Variants in TMEM245 observed in about 807,000 individuals in gnomAD.
TMEM245 encodes the protein transmembrane protein 245.
TMEM245 carries 69 observed loss-of-function variants against 101.2 expected under a neutral mutation model. The ratio of observed to expected loss-of-function variants is 0.68; its 90% CI spans 0.56 to 0.83. The LOEUF is 0.83. Among genes scored for constraint, TMEM245 ranks in the 40% least tolerant of loss-of-function variants. The pLI, the probability that TMEM245 is intolerant of heterozygous loss-of-function variation, is 0.00. For missense variants in TMEM245, 1,075 were observed against 1,092.8 expected, an observed-to-expected ratio of 0.98 and a Z score of 0.23; for synonymous variants, 537 against 449.8, an observed-to-expected ratio of 1.19 and a Z score of -2.45.
At chr9:109,070,485 T>A (rs1243186969) in intron 9 of TMEM245, among the ~76,000 whole-genome samples, 2 of 152,198 alleles carry the variant, frequency 1.3e-5, no homozygotes, top group Non-Finnish European at 2.9e-5. Context: ...ACCTTATAAA[T>A]CTGTCCCTCC....
intron 16 of TMEM245, 60 bp downstream of exon 16, chr9:109,036,146 A>G: frequency 3.5e-6 from 5 of 1,430,316 alleles, no homozygotes; most frequent in Non-Finnish European, 4.6e-6. Flanking sequence ...CCTCCTTTAA[A>G]AAAAAAAAAA....
In TMEM245 at chr9:109,108,532, T is replaced by C. The variant is rs200172301; in HGVS notation, c.618A>G (p.Ser206=). The C allele has an allele frequency of 6.2e-7, 1 of 1,611,032 alleles. No homozygotes were observed. The highest frequency in any genetic ancestry group is 8.5e-7 in the Non-Finnish European group (1 of 1,178,958). Residue 206 remains serine, a synonymous_variant, in exon 2 of 18, where the codon TCA becomes TCG. Transcript: ENST00000374586. ...TLVVGYVLTV[S]FKWNASTERY... ...GTTCAGTGCTTGCATTCCACTTGAATGAAACAGTCAACACATAGCCAACCA... is the reference window on the plus strand; with the variant it reads ...GTTCAGTGCTTGCATTCCACTTGAACGAAACAGTCAACACATAGCCAACCA...
chr9:109,091,266 TG>T, intron 4 of TMEM245, 111 bp from the exon 5 acceptor site: 1 of 919,936 alleles, frequency 1.1e-6, no homozygotes, highest in Non-Finnish European at 1.6e-6. Flanking sequence ...TGTGCTGATA[TG>T]GTATGATTAC....
chr9:109,033,165 TA>T, intron 17 of TMEM245, 141 bp downstream of exon 17: 1 of 922,134 alleles, frequency 1.1e-6, no homozygotes. Context: ...TGTATTTACT[TA>T]GTGTCTTCTG....
intron 12 of TMEM245, among the ~76,000 whole-genome samples, chr9:109,055,018 T>C (rs750185294): frequency 5.9e-5 from 9 of 152,220 alleles, no homozygotes; most frequent in Non-Finnish European, 1.2e-4. Context: ...TACTTTTCTT[T>C]TTGAGGGATT....
intron 5 of TMEM245, among the ~76,000 whole-genome samples, chr9:109,090,057 C>A (rs1415142346): frequency 1.3e-5 from 2 of 151,616 alleles, no homozygotes; most frequent in Non-Finnish European, 2.9e-5. Flanking sequence ...GGTAAGGATT[C>A]GAGACCAGCC....
chr9:109,076,154 T>C (rs1228080522), intron 8 of TMEM245, among the ~76,000 whole-genome samples: 1 of 152,142 alleles, frequency 6.6e-6, no homozygotes, highest in Non-Finnish European at 1.5e-5. Flanking sequence ...AATGATAGAC[T>C]GGATTAAGAA....
chr9:109,103,478 C>T (rs1830329715), intron 3 of TMEM245, among the ~76,000 whole-genome samples: 1 of 152,066 alleles, frequency 6.6e-6, no homozygotes, highest in Admixed American at 6.5e-5. Context: ...TGGAAGAAAC[C>T]TAAATGTCCA....
At chr9:109,076,203 T>TA (rs1208781655) in intron 8 of TMEM245, among the ~76,000 whole-genome samples, 1 of 151,754 alleles carries the variant, frequency 6.6e-6, no homozygotes, top group South Asian at 2.1e-4. Context: ...TATGCAGCCA[T>TA]AAAAAAATGA....
At chr9:109,094,527 C>A (rs1177444354) in intron 3 of TMEM245, among the ~76,000 whole-genome samples, 1 of 152,206 alleles carries the variant, frequency 6.6e-6, no homozygotes, top group African/African-American at 2.4e-5. Context: ...AGCAGAAGTT[C>A]TGATGTCTGA....
At chr9:109,106,704 TATATATA>T in intron 2 of TMEM245, 95 bp from the exon 3 acceptor site, 1 of 799,576 alleles carries the variant, frequency 1.3e-6, no homozygotes, top group Non-Finnish European at 1.9e-6. Context: ...AACAATCTGG[TATATATA>T]TTAGTTACAG....
In TMEM245 at chr9:109,050,454, TA is replaced by T. The variant is rs751489477; in HGVS notation, c.1978-27del. The T allele has an allele frequency of 3.1e-6, 5 of 1,612,174 alleles. No homozygotes were observed. The African/African-American group carries it at 6.7e-5, about 22-fold the overall frequency. ...CTGCAAAACAAAGGACAACATCTCCTAAAAAAATCGTATTTGGAAACTATAG... is the reference window on the plus strand; with the variant it reads ...CTGCAAAACAAAGGACAACATCTCCTAAAAAATCGTATTTGGAAACTATAG... On this transcript the variant is annotated intron_variant, in intron 13 of 17. Transcript: ENST00000374586.
At chr9:109,117,175 T>C (rs1830746283) in intron 1 of TMEM245, among the ~76,000 whole-genome samples, 1 of 152,018 alleles carries the variant, frequency 6.6e-6, no homozygotes, top group African/African-American at 2.4e-5. Flanking sequence ...AGTGGTGCAA[T>C]CTTGGCTCAC....
intron 1 of TMEM245, among the ~76,000 whole-genome samples, chr9:109,118,146 C>T (rs1291815466): frequency 6.6e-6 from 1 of 152,122 alleles, no homozygotes; most frequent in Non-Finnish European, 1.5e-5. Context: ...TATCTTAGTC[C>T]TTTTTTAAAC....
chr9:109,075,351 TTGGTATC>T (rs1353012926), intron 8 of TMEM245, among the ~76,000 whole-genome samples: 4 of 152,186 alleles, frequency 2.6e-5, no homozygotes, highest in Admixed American at 2.6e-4. Context: ...GCCTTTGACT[TTGGTATC>T]TGGGCAATAC....
chr9:109,031,542 T>G (rs1164512616), intron 17 of TMEM245, among the ~76,000 whole-genome samples: 1 of 152,200 alleles, frequency 6.6e-6, no homozygotes, highest in Admixed American at 6.5e-5. Flanking sequence ...ATTTCTTTTA[T>G]ATGAAGTTCA....
At chr9:109,105,702 C>T (rs958444284) in intron 3 of TMEM245, among the ~76,000 whole-genome samples, 1 of 151,954 alleles carries the variant, frequency 6.6e-6, no homozygotes, top group Non-Finnish European at 1.5e-5. Context: ...TACAGGGTTT[C>T]TTTCTGAGGT....
At chr9:109,026,695 T>C (rs10979659) in intron 17 of TMEM245, among the ~76,000 whole-genome samples, 74,811 of 149,706 alleles carry the variant, frequency 0.5, 18,960 homozygotes, top group Admixed American at 0.56. Flanking sequence ...CTGCAAATCT[T>C]ATGTTAAAAT....
chr9:109,114,467 T>C (rs1490175333), intron 1 of TMEM245, among the ~76,000 whole-genome samples: 4 of 152,104 alleles, frequency 2.6e-5, no homozygotes, highest in African/African-American at 9.7e-5. Flanking sequence ...CCCCTCACTT[T>C]ATGCAATTGG....
Sources: allele counts gnomAD v4.1 joint callset (sites outside exome capture counted in the v4.1 genomes callset), GRCh38; gene constraint gnomAD v4.1.1; transcripts MANE v1.5; gene names NCBI Gene and HGNC (gene_info 2026-07-23, HGNC 2026-07-21).